Variants in USH2A observed in about 807,000 individuals in gnomAD.
USH2A encodes usherin, also known as Usher syndrome 2A (autosomal recessive, mild).
Under a neutral mutation model 538.9 loss-of-function variants are expected in USH2A, and 443 were observed. The ratio of observed to expected loss-of-function variants is 0.82; its 90% CI spans 0.76 to 0.89. USH2A has a LOEUF of 0.89. Ranked by LOEUF, USH2A falls within the 40% of genes least tolerant of loss-of-function variation. USH2A has a pLI of 0.00. For synonymous variants in USH2A, 2,413 were observed against 2,273.5 expected (o/e 1.06, Z -1.75); for missense variants, 6,633 against 6,324.8 (o/e 1.05, Z -1.65).
chr1:215,901,388 G>A, intron 38 of USH2A: 1 of 192,908 alleles, frequency 5.2e-6, no homozygotes, highest in Non-Finnish European at 1.1e-5. Flanking sequence ...TTTGGAGGAA[G>A]GGAAGTTAGC....
At chr1:215,723,380 C>T (rs1659719591) in intron 61 of USH2A, among the ~76,000 whole-genome samples, 1 of 152,176 alleles carries the variant, frequency 6.6e-6, no homozygotes, top group Non-Finnish European at 1.5e-5. Context: ...CATCCACTGC[C>T]ACCACAAGCA....
intron 14 of USH2A, among the ~76,000 whole-genome samples, chr1:216,226,489 T>C (rs191447876): frequency 1.9e-4 from 29 of 152,252 alleles, no homozygotes; most frequent in African/African-American, 5.8e-4. Flanking sequence ...CTCCCTCACG[T>C]AGAGGCTGCA....
intron 55 of USH2A, among the ~76,000 whole-genome samples, chr1:215,777,197 C>T (rs574746891): frequency 3.9e-5 from 6 of 151,942 alleles, no homozygotes; most frequent in African/African-American, 1.4e-4. Flanking sequence ...ATTTCTGGCA[C>T]CAAGATACAT....
intron 58 of USH2A, among the ~76,000 whole-genome samples, chr1:215,755,151 T>C (rs1358048956): frequency 1.3e-5 from 2 of 152,208 alleles, no homozygotes; most frequent in Non-Finnish European, 2.9e-5. Flanking sequence ...TGTGGAGTTT[T>C]TAAAAAGCTC....
At chr1:216,185,333 A>G (rs1302238295) in intron 20 of USH2A, among the ~76,000 whole-genome samples, 1 of 151,938 alleles carries the variant, frequency 6.6e-6, no homozygotes, top group African/African-American at 2.4e-5. Flanking sequence ...AATTGAAAAA[A>G]TGTTTAAAAC....
At chr1:215,842,559 A>C (rs1301361750) in intron 46 of USH2A, among the ~76,000 whole-genome samples, 2 of 152,242 alleles carry the variant, frequency 1.3e-5, no homozygotes, top group Non-Finnish European at 2.9e-5. Flanking sequence ...GAATCAACCC[A>C]AACGTCCATC....
At chr1:215,916,827 C>T (rs1267442910) in intron 38 of USH2A, among the ~76,000 whole-genome samples, 5 of 152,058 alleles carry the variant, frequency 3.3e-5, no homozygotes, top group African/African-American at 1.2e-4. Flanking sequence ...TTCACATTAG[C>T]ATCCATAGGA....
intron 47 of USH2A, among the ~76,000 whole-genome samples, chr1:215,828,689 A>G (rs1465951122): frequency 6.6e-6 from 1 of 152,180 alleles, no homozygotes; most frequent in Non-Finnish European, 1.5e-5. Flanking sequence ...TTTGGATGTG[A>G]AAAAACTGCC....
rs762070900 is a variant in USH2A, at chr1:215,758,647, AT to A, written c.11336del (p.Tyr3779LeufsTer5). On this transcript the variant is annotated frameshift_variant, in exon 58 of 72. Coordinates refer to ENST00000307340, the MANE Select transcript of USH2A (RefSeq NM_206933.4). LOFTEE classifies it high-confidence loss of function. ...AATAAGGCCCAATTACTGTGATATTATATGGAGGATAGATTTCTTCTGGTGT... is the reference window on the plus strand; with the variant it reads ...AATAAGGCCCAATTACTGTGATATTAATGGAGGATAGATTTCTTCTGGTGT... ...MSTPEEIYPP[Y>X]NITVIGPYSI... is the part of the protein sequence containing the mutation. The A allele has an allele frequency of 5.6e-6, 9 of 1,613,692 alleles. No homozygotes were observed. The highest frequency in any genetic ancestry group is 7.6e-6 in the Non-Finnish European group (9 of 1,179,846).
intron 47 of USH2A, among the ~76,000 whole-genome samples, chr1:215,825,610 T>C (rs1040420562): frequency 6.6e-6 from 1 of 152,150 alleles, no homozygotes; most frequent in Non-Finnish European, 1.5e-5. Flanking sequence ...CCTAAATTGT[T>C]ATGGATTAAA....
At chr1:216,412,021 T>G (rs1287410749) in intron 3 of USH2A, among the ~76,000 whole-genome samples, 1 of 152,182 alleles carries the variant, frequency 6.6e-6, no homozygotes, top group Non-Finnish European at 1.5e-5. Context: ...GTGTAATTAT[T>G]TGATTGCTTA....
intron 12 of USH2A, among the ~76,000 whole-genome samples, chr1:216,249,860 G>A (rs902117007): frequency 6.6e-5 from 10 of 151,926 alleles, no homozygotes; most frequent in African/African-American, 2.4e-4. Flanking sequence ...GTACATGTAA[G>A]CATTCGTGTG....
intron 32 of USH2A, among the ~76,000 whole-genome samples, chr1:216,020,224 A>G (rs1455836293): frequency 6.6e-6 from 1 of 152,184 alleles, no homozygotes; most frequent in Non-Finnish European, 1.5e-5. Flanking sequence ...TTTGTGTGAC[A>G]ACTTGGCCAG....
At chr1:216,056,040 A>C (rs912688991) in intron 30 of USH2A, among the ~76,000 whole-genome samples, 1 of 152,200 alleles carries the variant, frequency 6.6e-6, no homozygotes. Context: ...CCAGTCTTAG[A>C]GGACGGTTTA....
At chr1:215,943,476 A>C (rs1355554124) in intron 37 of USH2A, among the ~76,000 whole-genome samples, 1 of 152,190 alleles carries the variant, frequency 6.6e-6, no homozygotes, top group African/African-American at 2.4e-5. Context: ...GGGAGAAGAT[A>C]ATAGGTATGT....
intron 8 of USH2A, among the ~76,000 whole-genome samples, chr1:216,322,403 G>C (rs1009314465): frequency 6.6e-6 from 1 of 151,790 alleles, no homozygotes; most frequent in Non-Finnish European, 1.5e-5. Context: ...AGGAGTTTGA[G>C]AGCAGCCTGA....
At chr1:215,857,382 GA>G (rs943060978) in intron 44 of USH2A, among the ~76,000 whole-genome samples, 1 of 152,114 alleles carries the variant, frequency 6.6e-6, no homozygotes, top group African/African-American at 2.4e-5. Flanking sequence ...ATTTGAAAAG[GA>G]GAGCTTTACT....
intron 9 of USH2A, among the ~76,000 whole-genome samples, chr1:216,310,537 C>A (rs1337664643): frequency 6.6e-6 from 1 of 151,904 alleles, no homozygotes; most frequent in Non-Finnish European, 1.5e-5. Context: ...TCTTTGTGTT[C>A]TTTTTTTCTC....
chr1:216,201,057 C>T (rs569946672), intron 16 of USH2A, among the ~76,000 whole-genome samples: 8 of 139,906 alleles, frequency 5.7e-5, no homozygotes, highest in African/African-American at 1.6e-4. Context: ...TCCTTCCTTC[C>T]GACAGGAGAT....
Sources: gnomAD v4.1 joint callset for allele counts (sites outside exome capture counted in the v4.1 genomes callset) on GRCh38, gnomAD v4.1.1 for gene constraint, MANE v1.5 for transcripts, NCBI Gene and HGNC (gene_info 2026-07-23, HGNC 2026-07-21) for gene names.